SLC2A14: variants seen among roughly 807,000 people sequenced by gnomAD.
SLC2A14 encodes the protein solute carrier family 2, facilitated glucose transporter member 14.
SLC2A14 carries 13 observed loss-of-function variants against 43.0 expected under a neutral mutation model. The ratio of observed to expected loss-of-function variants is 0.30; its 90% CI spans 0.20 to 0.48. SLC2A14 has a LOEUF of 0.48. Ranked by LOEUF, SLC2A14 falls within the 20% of genes least tolerant of loss-of-function variation. The pLI is 0.99. For missense variants in SLC2A14, 428 were observed against 620.4 expected (o/e 0.69, Z 3.29); for synonymous variants, 190 against 233.8 (o/e 0.81, Z 1.71).
intron 1 of SLC2A14, among the ~76,000 whole-genome samples, chr12:7,881,479 G>T (rs1360453759): frequency 6.6e-6 from 1 of 152,110 alleles, no homozygotes; most frequent in Admixed American, 6.5e-5. Context: ...GCCCACCGGC[G>T]CTGCACTCGA....
intron 2 of SLC2A14, among the ~76,000 whole-genome samples, chr12:7,843,019 C>A (rs181505414): frequency 6.6e-6 from 1 of 152,186 alleles, no homozygotes; most frequent in African/African-American, 2.4e-5. Flanking sequence ...TGAGCCACCG[C>A]GCCTGGCCAC....
At chr12:7,889,381 A>G (rs1295602180) in intron 1 of SLC2A14, among the ~76,000 whole-genome samples, 1 of 151,602 alleles carries the variant, frequency 6.6e-6, no homozygotes, top group Non-Finnish European at 1.5e-5. Flanking sequence ...GATTACAGGC[A>G]TGCACCATCA....
chr12:7,881,471 C>T (rs1369531231), intron 1 of SLC2A14, among the ~76,000 whole-genome samples: 2 of 152,076 alleles, frequency 1.3e-5, no homozygotes, highest in Non-Finnish European at 2.9e-5. Context: ...CAGTGCCGGC[C>T]CACCGGCGCT....
intron 2 of SLC2A14, among the ~76,000 whole-genome samples, chr12:7,852,659 A>G (rs752673150): frequency 2.6e-5 from 4 of 152,144 alleles, no homozygotes; most frequent in Non-Finnish European, 1.5e-5. Context: ...AGAAATATGT[A>G]ATCCCTTTCT....
intron 2 of SLC2A14, among the ~76,000 whole-genome samples, chr12:7,833,432 G>C (rs945852710): frequency 6.6e-6 from 1 of 152,160 alleles, no homozygotes; most frequent in East Asian, 1.9e-4. Flanking sequence ...ACCCCCGGGT[G>C]GGGGAAGAAA....
At chr12:7,816,844 A>C (rs796911110) in intron 10 of SLC2A14, among the ~76,000 whole-genome samples, 21 of 151,760 alleles carry the variant, frequency 1.4e-4, no homozygotes, top group African/African-American at 5.1e-4. Context: ...AGTAGCTAGG[A>C]CTACAGGTTT....
chr12:7,837,638 CAA>C (rs557069415), intron 2 of SLC2A14, among the ~76,000 whole-genome samples: 5 of 52,886 alleles, frequency 9.5e-5, no homozygotes, highest in African/African-American at 4.4e-4. Flanking sequence ...AACTTCGTCT[CAA>C]AAAAAAAAAA....
intron 2 of SLC2A14, among the ~76,000 whole-genome samples, chr12:7,848,203 C>T (rs746539415): frequency 1.4e-4 from 21 of 152,140 alleles, no homozygotes; most frequent in African/African-American, 4.8e-4. Context: ...AAAGGGGTTA[C>T]CTTCACTTCC....
chr12:7,826,245 AG>A (rs1454745983), intron 7 of SLC2A14, among the ~76,000 whole-genome samples: 1 of 148,000 alleles, frequency 6.8e-6, no homozygotes, highest in Admixed American at 6.8e-5. Context: ...TTTTTAAGAC[AG>A]GGTCATGCTA....
At chr12:7,875,121 AT>A (rs373551781), upstream of SLC2A14, among the ~76,000 whole-genome samples, 651 of 6,858 alleles carry the variant, frequency 0.095, 19 homozygotes, top group Middle Eastern at 0.5. Flanking sequence ...TTATATTTAA[AT>A]AGTTAAATAT....
intron 2 of SLC2A14, chr12:7,863,438 A>T (rs1368712691): frequency 2.2e-6 from 1 of 453,484 alleles, no homozygotes; most frequent in South Asian, 1.6e-5. Context: ...ACACATGGCC[A>T]CCATTGTGAA....
chr12:7,887,775 C>G (rs1242764847), intron 1 of SLC2A14, among the ~76,000 whole-genome samples: 1 of 152,154 alleles, frequency 6.6e-6, no homozygotes, highest in Non-Finnish European at 1.5e-5. Context: ...TTCAAGAAGT[C>G]TCCCAACTGT....
chr12:7,828,643 C>A, intron 6 of SLC2A14, 61 bp downstream of exon 6: 1 of 1,560,348 alleles, frequency 6.4e-7, no homozygotes, highest in Non-Finnish European at 8.8e-7. Context: ...ATCCAGTACC[C>A]TCACCCTTAA....
chr12:7,833,334 C>T (rs1865188445), intron 2 of SLC2A14, among the ~76,000 whole-genome samples: 1 of 152,162 alleles, frequency 6.6e-6, no homozygotes, highest in Non-Finnish European at 1.5e-5. Context: ...TCTCTCAGGA[C>T]CATGTAACCT....
chr12:7,852,670 T>C (rs1867032811), intron 2 of SLC2A14, among the ~76,000 whole-genome samples: 1 of 152,108 alleles, frequency 6.6e-6, no homozygotes, highest in African/African-American at 2.4e-5. Context: ...ATCCCTTTCT[T>C]GTAATCATGA....
chr12:7,864,111 C>T (rs559052847), intron 2 of SLC2A14, among the ~76,000 whole-genome samples: 1 of 151,940 alleles, frequency 6.6e-6, no homozygotes, highest in African/African-American at 2.4e-5. Context: ...CCCCCGCGCC[C>T]GGCCACCACA....
intron 1 of SLC2A14, among the ~76,000 whole-genome samples, chr12:7,889,526 C>T (rs1945741931): frequency 7.1e-6 from 1 of 141,844 alleles, no homozygotes; most frequent in East Asian, 2.1e-4. Context: ...AGCCACCGTG[C>T]CTGACCTGGT....
At chr12:7,814,767 T>C (rs758394353) in intron 10 of SLC2A14, among the ~76,000 whole-genome samples, 3 of 152,242 alleles carry the variant, frequency 2.0e-5, no homozygotes, top group African/African-American at 7.2e-5. Flanking sequence ...CTTCCAAATG[T>C]CTACTGAGTA....
intron 1 of SLC2A14, among the ~76,000 whole-genome samples, chr12:7,884,126 T>C (rs1484602978): frequency 6.6e-6 from 1 of 151,698 alleles, no homozygotes; most frequent in African/African-American, 2.4e-5. Flanking sequence ...GGTTTCACCA[T>C]GTTAGCCAGG....
Sources: allele counts gnomAD v4.1 joint callset (sites outside exome capture counted in the v4.1 genomes callset), GRCh38; gene constraint gnomAD v4.1.1; transcripts MANE v1.5; gene names NCBI Gene and HGNC (gene_info 2026-07-23, HGNC 2026-07-21).